Variants in LRRC66 observed in about 807,000 individuals in gnomAD.
LRRC66 encodes the protein leucine-rich repeat-containing protein 66.
A neutral mutation model predicts 24.6 loss-of-function variants in LRRC66; 29 were observed. The ratio of observed to expected loss-of-function variants is 1.18; its 90% CI spans 0.88 to 1.61. The LOEUF (loss-of-function observed/expected upper bound fraction) is 1.61. LRRC66 is among the 40% of genes most tolerant of loss of function. LRRC66 has a pLI of 0.00. For missense variants in LRRC66, 1,124 were observed against 1,058.0 expected, an observed-to-expected ratio of 1.06 and a Z score of -0.87; for synonymous variants, 411 against 397.6, an observed-to-expected ratio of 1.03 and a Z score of -0.40.
chr4:52,016,918 A>G (rs1736823639), intron 2 of LRRC66, among the ~76,000 whole-genome samples, 200 bp downstream of exon 2: 1 of 152,202 alleles, frequency 6.6e-6, no homozygotes, highest in African/African-American at 2.4e-5. Context: ...AGATATACTA[A>G]TGGGAGACTA....
chr4:52,016,501 G>A (rs139304327), intron 2 of LRRC66, among the ~76,000 whole-genome samples: 261 of 152,218 alleles, frequency 1.7e-3, no homozygotes, highest in African/African-American at 6.1e-3. Context: ...TGGTGTATCC[G>A]TTAAGGAACT....
chr4:52,007,603 C>A (rs959359155), intron 2 of LRRC66, among the ~76,000 whole-genome samples: 2 of 152,194 alleles, frequency 1.3e-5, no homozygotes, highest in Non-Finnish European at 2.9e-5. Flanking sequence ...TTACTACGAT[C>A]TTCAAGCTTT....
intron 2 of LRRC66, among the ~76,000 whole-genome samples, chr4:52,008,770 T>G (rs1736639489): frequency 6.6e-6 from 1 of 152,166 alleles, no homozygotes; most frequent in Admixed American, 6.5e-5. Flanking sequence ...GAAAAAATGT[T>G]CAAGGAAGTC....
intron 2 of LRRC66, among the ~76,000 whole-genome samples, chr4:52,010,346 C>T (rs1048121922): frequency 6.6e-6 from 1 of 151,998 alleles, no homozygotes; most frequent in Non-Finnish European, 1.5e-5. Context: ...CTTTTATTTG[C>T]GAGTACATGT....
intron 2 of LRRC66, among the ~76,000 whole-genome samples, chr4:52,010,354 T>C (rs1736672497): frequency 6.6e-6 from 1 of 152,164 alleles, no homozygotes; most frequent in South Asian, 2.1e-4. Context: ...TGCGAGTACA[T>C]GTGCAGGTTT....
chr4:51,995,133 A>G lies in LRRC66; in HGVS notation c.1889T>C (p.Ile630Thr), dbSNP rs148231950. ...TGGCTGCTGTATGCTCAGCAAATCA[A>G]TGGATGAACTCACTTGCCTTTCCTT... ...FSKERQVSSS[I>T]DLLSIQQPRL... Residue 630 changes from isoleucine (I) to threonine (T), a missense_variant, in exon 5 of 5, where the codon ATT (isoleucine) becomes ACT (threonine). Coordinates refer to ENST00000682860, the MANE Select transcript of LRRC66 (RefSeq NM_001024611.3). 2.1e-4 allele frequency: 337 copies of G among 1,614,234 alleles called. No individual in the cohort carries two copies. Among genetic ancestry groups the G allele is most frequent in the Admixed American group, 3.0e-4 (18 of 60,018 alleles).
At chr4:51,998,375 C>T (rs529119653) in intron 3 of LRRC66, among the ~76,000 whole-genome samples, 2 of 152,290 alleles carry the variant, frequency 1.3e-5, no homozygotes, top group South Asian at 4.1e-4. Flanking sequence ...ATGATGAAGA[C>T]ACAGAACACA....
intron 1 of LRRC66, 60 bp from the exon 2 acceptor site, chr4:52,017,678 A>G: frequency 2.8e-6 from 4 of 1,430,662 alleles, no homozygotes; most frequent in Non-Finnish European, 3.6e-6. Flanking sequence ...AACAGCAATA[A>G]GCAGCAAATT....
At chr4:52,018,217 A>ATG (rs1736863589) in intron 1 of LRRC66, 1 of 985,430 alleles carries the variant, frequency 1.0e-6, no homozygotes, top group African/African-American at 1.7e-5. Flanking sequence ...ATACAACATA[A>ATG]TGTGTTATCA....
At chr4:52,019,626 C>T (rs1018209716) in intron 1 of LRRC66, among the ~76,000 whole-genome samples, 3 of 152,254 alleles carry the variant, frequency 2.0e-5, no homozygotes, top group Non-Finnish European at 4.4e-5. Flanking sequence ...TTACAGTGTG[C>T]TTCTTATGCA....
rs561470523 is a variant in LRRC66 at position 52,017,661 on chromosome 4, A to T, written c.-5-43T>A. On this transcript the variant is annotated intron_variant, in intron 1 of 4. Coordinates refer to ENST00000682860, the MANE Select transcript of LRRC66 (RefSeq NM_001024611.3). ...AATTGACTTATTCACAATAATATAT[A>T]AAAACTAACAGCAATAAGCAGCAAA... 10 of 1,465,448 alleles carry T rather than the reference A, an allele frequency of 6.8e-6. No homozygotes were observed. The Admixed American group carries it at 2.5e-4, about 37-fold the overall frequency. The allele number at this position is 1,465,448 out of a possible 1,614,324, so 90.8% of individuals were successfully genotyped here. A position where few individuals can be genotyped will look rare whatever the true frequency, so the allele number is the denominator to read the frequency against.
At chr4:51,997,402 T>C (rs1230299023) in intron 4 of LRRC66, among the ~76,000 whole-genome samples, 1 of 152,234 alleles carries the variant, frequency 6.6e-6, no homozygotes, top group Non-Finnish European at 1.5e-5. Flanking sequence ...ATTCAATTTT[T>C]AATTCTTGTC....
rs745912402 is a variant in LRRC66 at position 51,995,746 on chromosome 4, A to G, written c.1276T>C (p.Tyr426His). ...LDNAYSNEGF[Y>H]DDMEAAGHTP... is the part of the protein sequence containing the mutation. Reference sequence around the variant, plus strand: ...TGCCCCGCAGCTTCCATGTCATCGTAGAAGCCCTCGTTTGAATACGCGTTG... The same window carrying G: ...TGCCCCGCAGCTTCCATGTCATCGTGGAAGCCCTCGTTTGAATACGCGTTG... The change falls in exon 5 of 5, where the codon TAC becomes CAC. Residue 426 changes from tyrosine to histidine, a missense_variant. Tyr to His is a moderately conservative substitution (Grantham distance 83, BLOSUM62 2). Transcript: ENST00000682860. The G allele has an allele frequency of 6.2e-7, 1 of 1,614,112 alleles. No homozygotes were observed. Among genetic ancestry groups the G allele is most frequent in the Non-Finnish European group, 8.5e-7 (1 of 1,180,024 alleles).
chr4:52,008,623 A>ATTTTG (rs1470183410), intron 2 of LRRC66, among the ~76,000 whole-genome samples: 1 of 152,218 alleles, frequency 6.6e-6, no homozygotes, highest in Non-Finnish European at 1.5e-5. Flanking sequence ...ATGGAGCAAC[A>ATTTTG]TTTAAACAAA....
chr4:52,000,209 A>C (rs1736417104), intron 3 of LRRC66, among the ~76,000 whole-genome samples: 1 of 152,228 alleles, frequency 6.6e-6, no homozygotes, highest in East Asian at 1.9e-4. Flanking sequence ...ACAGCTGTAT[A>C]TAAAACATTC....
At chr4:52,008,511 T>C (rs1273226889) in intron 2 of LRRC66, among the ~76,000 whole-genome samples, 1 of 151,920 alleles carries the variant, frequency 6.6e-6, no homozygotes, top group African/African-American at 2.4e-5. Flanking sequence ...ATATATTTGA[T>C]TGCCAAAAAT....
intron 2 of LRRC66, among the ~76,000 whole-genome samples, 188 bp from the exon 3 acceptor site, chr4:52,003,580 A>C (rs1736504483): frequency 2.6e-5 from 4 of 152,218 alleles, no homozygotes; most frequent in Admixed American, 2.6e-4. Context: ...CAACATATAA[A>C]CTGACTGAAC....
At chr4:52,018,630 C>A (rs1380974717) in intron 1 of LRRC66, 1 of 973,376 alleles carries the variant, frequency 1.0e-6, no homozygotes, top group East Asian at 1.1e-4. Flanking sequence ...GGATTATTTT[C>A]CTACAATAAC....
At position 51,996,143 on chromosome 4, in the gene LRRC66, G is replaced by GC. The variant is rs751106077; in HGVS notation, c.878dup (p.Thr294HisfsTer64). 1.4e-5 allele frequency: 22 copies of GC among 1,610,654 alleles called. 1 individual carries two copies. The Middle Eastern group carries it at 5.0e-4, about 36-fold the overall frequency. ...CCCTGGAAATCCTGCTCTGGGGAGT[G>GC]CCCCCGTTGGCCTCCTCACTCCCTG... is the stretch of plus-strand genomic sequence containing the variant. On this transcript the variant is annotated frameshift_variant, in exon 5 of 5. Coordinates refer to ENST00000682860, the MANE Select transcript of LRRC66 (RefSeq NM_001024611.3). LOFTEE classifies it low-confidence loss of function (END_TRUNC).
Sources: gnomAD v4.1 joint callset for allele counts (sites outside exome capture counted in the v4.1 genomes callset) on GRCh38, gnomAD v4.1.1 for gene constraint, MANE v1.5 for transcripts, NCBI Gene and HGNC (gene_info 2026-07-23, HGNC 2026-07-21) for gene names.